The following CHD6 variants were observed in gnomAD, a reference collection of about 807,000 sequenced individuals.
The protein encoded by CHD6 is ATP-dependent chromatin remodeler CHD6.
In CHD6, 50 loss-of-function variants were observed where a neutral mutation model predicts 276.9. The observed-to-expected ratio is 0.18, with a 90% confidence interval of 0.14 to 0.23. The LOEUF (loss-of-function observed/expected upper bound fraction) is 0.23. Among genes scored for constraint, CHD6 ranks in the 10% least tolerant of loss-of-function variants. The pLI is 1.00. For missense variants in CHD6, 2,564 were observed against 3,365.8 expected (o/e 0.76, Z 5.89); for synonymous variants, 1,173 against 1,229.3 (o/e 0.95, Z 0.96).
At chr20:41,589,314 G>A (rs2045630677) in intron 1 of CHD6, among the ~76,000 whole-genome samples, 1 of 152,126 alleles carries the variant, frequency 6.6e-6, no homozygotes, top group Non-Finnish European at 1.5e-5. Context: ...GCACAAGACA[G>A]GGATGCCCTC....
intron 1 of CHD6, among the ~76,000 whole-genome samples, chr20:41,610,875 T>G (rs2045880612): frequency 6.6e-6 from 1 of 152,214 alleles, no homozygotes; most frequent in Admixed American, 6.5e-5. Flanking sequence ...TGGGAAACCC[T>G]ATAGTCAGTA....
chr20:41,513,218 T>C lies in CHD6; in HGVS notation c.703-223A>G, dbSNP rs6129857. On this transcript the variant is annotated intron_variant, in intron 4 of 36. Transcript: ENST00000373233. ...CAAAAGCTCAATCTCCAAATTGCCATGATCCACTAAAAAGAAGGGGTAGTG... is the reference window on the plus strand; with the variant it reads ...CAAAAGCTCAATCTCCAAATTGCCACGATCCACTAAAAAGAAGGGGTAGTG... Among the ~76,000 whole-genome samples, 3,742 of 152,262 alleles carry C rather than the reference T, an allele frequency of 0.025. 252 individuals are homozygous for C. In the East Asian group the frequency reaches 0.28, roughly 11 times the overall value.
chr20:41,535,230 A>C (rs998904253), intron 2 of CHD6, among the ~76,000 whole-genome samples: 3 of 152,206 alleles, frequency 2.0e-5, no homozygotes, highest in African/African-American at 4.8e-5. Context: ...GGGAGCATTC[A>C]ATCCTTAGGC....
chr20:41,557,951 T>C (rs139460889), intron 1 of CHD6, among the ~76,000 whole-genome samples: 9 of 152,266 alleles, frequency 5.9e-5, no homozygotes, highest in East Asian at 3.9e-4. Context: ...CAGGCATAAA[T>C]AGGGTATACC....
At chr20:41,596,388 C>T (rs145365411) in intron 1 of CHD6, among the ~76,000 whole-genome samples, 10 of 152,132 alleles carry the variant, frequency 6.6e-5, no homozygotes, top group African/African-American at 2.2e-4. Flanking sequence ...ATCAAATTGA[C>T]CAATTTTTAG....
intron 2 of CHD6, among the ~76,000 whole-genome samples, chr20:41,541,226 C>A (rs549065942): frequency 2.6e-5 from 4 of 152,140 alleles, no homozygotes; most frequent in African/African-American, 9.6e-5. Context: ...ACAGTCAGTC[C>A]CCGACTCATA....
intron 1 of CHD6, among the ~76,000 whole-genome samples, chr20:41,612,008 T>C (rs2045892353): frequency 6.6e-6 from 1 of 152,166 alleles, no homozygotes; most frequent in Non-Finnish European, 1.5e-5. Context: ...GAAGAAGTAG[T>C]TTTTGGTTTT....
At chr20:41,477,647 A>G (rs1378992499) in intron 16 of CHD6, among the ~76,000 whole-genome samples, 1 of 152,218 alleles carries the variant, frequency 6.6e-6, no homozygotes, top group African/African-American at 2.4e-5. Flanking sequence ...TTCCCCAATT[A>G]AATCCACCAA....
In CHD6 at chr20:41,591,375, T is replaced by TACACAC. The variant is rs1391046913; in HGVS notation, c.-24+26964_-24+26965insGTGTGT. 3.1e-3 allele frequency among the ~76,000 whole-genome samples: 375 copies of TACACAC among 121,068 alleles called. 1 individual carries two copies. The highest frequency in any genetic ancestry group is 4.7e-3 in the Non-Finnish European group (297 of 62,654). 79.4% of individuals were successfully genotyped at this position (121,068 alleles called of 152,430 possible). ...TAAAGTATAATTTTACATATATATA[T>TACACAC]ATATACACACACACACACACACACA... On this transcript the variant is annotated intron_variant, in intron 1 of 36. Coordinates refer to ENST00000373233, the MANE Select transcript of CHD6 (RefSeq NM_032221.5).
rs1335097746 is a variant in CHD6 at position 41,452,877 on chromosome 20, T to C, written c.3186A>G (p.Glu1062=). Reference sequence around the variant, plus strand: ...ACTCTGAAAACTCCATGAGCTCGTCTTCCTCAAACGAGTTGTAGTGTTTGG... The same window carrying C: ...ACTCTGAAAACTCCATGAGCTCGTCCTCCTCAAACGAGTTGTAGTGTTTGG... ...KQTKHYNSFE[E]DELMEFSELD... Residue 1062 remains glutamate (E), a synonymous_variant, in exon 21 of 37, where the codon GAA becomes GAG. Coordinates refer to ENST00000373233, the MANE Select transcript of CHD6 (RefSeq NM_032221.5). This position sits in a 1 kb window ranked among gnomAD's most constrained non-coding sequence, Gnocchi z 4.2. The C allele has an allele frequency of 3.1e-6, 5 of 1,613,760 alleles. No homozygotes were observed. The South Asian group carries it at 3.3e-5, about 11-fold the overall frequency.
chr20:41,616,749 CT>C (rs1370482535), intron 1 of CHD6, among the ~76,000 whole-genome samples: 2 of 152,056 alleles, frequency 1.3e-5, no homozygotes, highest in African/African-American at 4.8e-5. Context: ...GGATTCATGC[CT>C]AATCATTTTA....
chr20:41,607,380 T>C (rs550884191), intron 1 of CHD6, among the ~76,000 whole-genome samples: 32 of 152,340 alleles, frequency 2.1e-4, no homozygotes, highest in African/African-American at 7.5e-4. Context: ...GCAGTTTACC[T>C]TTCTGTCTCT....
At chr20:41,484,826 C>G (rs938345027) in intron 14 of CHD6, among the ~76,000 whole-genome samples, 6 of 152,114 alleles carry the variant, frequency 3.9e-5, no homozygotes, top group Non-Finnish European at 8.8e-5. Flanking sequence ...TACTGAGAAT[C>G]TAGTGGCAAT....
chr20:41,458,251 G>A (rs534625232), intron 17 of CHD6, among the ~76,000 whole-genome samples: 17 of 152,284 alleles, frequency 1.1e-4, no homozygotes, highest in Non-Finnish European at 2.2e-4. Context: ...ATATAGGAGG[G>A]ACAAGCTAAA....
At chr20:41,581,405 G>A (rs945969455) in intron 1 of CHD6, among the ~76,000 whole-genome samples, 2 of 152,058 alleles carry the variant, frequency 1.3e-5, no homozygotes, top group East Asian at 1.9e-4. Flanking sequence ...AGCTGACCAC[G>A]GTGGCTCACA....
At chr20:41,475,618 T>TG (rs1159151380) in intron 16 of CHD6, among the ~76,000 whole-genome samples, 7 of 152,168 alleles carry the variant, frequency 4.6e-5, no homozygotes, top group Non-Finnish European at 4.4e-5. Context: ...GCACAATACT[T>TG]GGAGTCAAAA....
intron 1 of CHD6, among the ~76,000 whole-genome samples, chr20:41,596,435 TC>T (rs1256413647): frequency 6.6e-6 from 1 of 152,036 alleles, no homozygotes; most frequent in Non-Finnish European, 1.5e-5. Flanking sequence ...TTAATGTCCA[TC>T]TTCAGTATTC....
chr20:41,403,813 A>C lies in CHD6; in HGVS notation c.*780T>G. The C allele has an allele frequency of 1.9e-6, 2 of 1,057,464 alleles. No individual in the cohort carries two copies. Among genetic ancestry groups the C allele is most frequent in the Non-Finnish European group, 2.3e-6 (2 of 874,428 alleles). The allele number at this position is 1,057,464 out of a possible 1,614,324, so 65.5% of individuals were successfully genotyped here. A position where few individuals can be genotyped will look rare whatever the true frequency, so the allele number is the denominator to read the frequency against. On this transcript the variant is annotated 3_prime_UTR_variant, in exon 37 of 37. Transcript: ENST00000373233. ...TGCTTGTGAAGCAGCGTGTAGCTCT[A>C]CGGAGCGCGGGTCCTTGCCCCACCC... is the stretch of plus-strand genomic sequence containing the variant.
intron 1 of CHD6, among the ~76,000 whole-genome samples, chr20:41,570,033 C>G (rs1012503777): frequency 6.6e-6 from 1 of 152,148 alleles, no homozygotes; most frequent in African/African-American, 2.4e-5. Context: ...TAAGGTTTTT[C>G]TAGATACAGA....
Sources: allele counts gnomAD v4.1 joint callset (sites outside exome capture counted in the v4.1 genomes callset), GRCh38; gene constraint gnomAD v4.1.1; non-coding constraint Gnocchi (gnomAD v3.1); transcripts MANE v1.5; gene names NCBI Gene and HGNC (gene_info 2026-07-23, HGNC 2026-07-21).